The following FRMD8 variants were observed in gnomAD, a reference collection of about 807,000 sequenced individuals.
The protein encoded by FRMD8 is FERM domain-containing protein 8.
A neutral mutation model predicts 54.2 loss-of-function variants in FRMD8; 37 were observed. That is an observed-to-expected ratio of 0.68 (90% CI 0.53 to 0.90). The LOEUF (loss-of-function observed/expected upper bound fraction) is 0.90, where lower values mean the gene tolerates loss of function less well. FRMD8 is among the 40% of genes least tolerant of loss of function. The probability of loss-of-function intolerance (pLI) is 0.00; values close to 1 mark genes in which losing one functional copy is unlikely to be tolerated. For synonymous variants in FRMD8, 246 were observed against 286.9 expected (o/e 0.86, Z 1.44); for missense variants, 585 against 653.7 (o/e 0.89, Z 1.15).
At chr11:65,380,492 C>T in the FRMD8 span, 11 of 1,361,280 alleles carry the variant, frequency 8.1e-6, no homozygotes, top group Non-Finnish European at 1.1e-5. Flanking sequence ...ATCCCACCGC[C>T]TATGAGCCGC....
intron 3 of FRMD8, among the ~76,000 whole-genome samples, chr11:65,389,854 C>T (rs1413043128): frequency 3.3e-5 from 5 of 152,168 alleles, no homozygotes; most frequent in Non-Finnish European, 7.4e-5. Context: ...CGAGCATAAC[C>T]TTTGCCACAA....
rs765578433 is a variant in FRMD8, at chr11:65,389,344, C to G, written c.86-17C>G. The stretch of plus-strand genomic sequence containing the variant: ...CAGGCAGAGGCCTCAGCTGAGCCTG[C>G]CTGGTCTCCATCACAGCGGCTGACG... On this transcript the variant is annotated splice_polypyrimidine_tract_variant and intron_variant, in intron 2 of 10. Coordinates refer to ENST00000317568, the MANE Select transcript of FRMD8 (RefSeq NM_031904.5). 5 of 1,607,958 alleles carry G rather than the reference C, an allele frequency of 3.1e-6. No homozygotes were observed. The South Asian group carries it at 5.5e-5, about 18-fold the overall frequency.
the FRMD8 span, among the ~76,000 whole-genome samples, chr11:65,371,094 G>A: frequency 1.4e-4 from 22 of 152,272 alleles, no homozygotes; most frequent in East Asian, 4.2e-3. Context: ...ACAGCAGTGT[G>A]GGCCTGGCAC....
chr11:65,376,131 C>A, the FRMD8 span: 1 of 537,078 alleles, frequency 1.9e-6, no homozygotes. Flanking sequence ...ATGTCACCAG[C>A]ACCACTTGCC....
At chr11:65,384,001 T>C (rs746879276), upstream of FRMD8, among the ~76,000 whole-genome samples, 3 of 152,120 alleles carry the variant, frequency 2.0e-5, no homozygotes, top group Non-Finnish European at 2.9e-5. Flanking sequence ...GTCGGGCTAA[T>C]TGATGTCTAA....
At chr11:65,402,738 G>T (rs570623857) in intron 9 of FRMD8, among the ~76,000 whole-genome samples, 1 of 151,654 alleles carries the variant, frequency 6.6e-6, no homozygotes, top group South Asian at 2.1e-4. Context: ...CCATTTATTT[G>T]TCTCTGATTT....
At chr11:65,384,379 C>T (rs555211761), upstream of FRMD8, among the ~76,000 whole-genome samples, 2 of 152,160 alleles carry the variant, frequency 1.3e-5, no homozygotes, top group South Asian at 2.1e-4. Flanking sequence ...ATCAGCCTCC[C>T]GGACTCTCTC....
chr11:65,381,842 C>G (rs1160847126), upstream of FRMD8: 3 of 1,591,540 alleles, frequency 1.9e-6, no homozygotes, highest in Non-Finnish European at 2.6e-6. Context: ...CTGCTCCTCC[C>G]ATGTCACCCA....
the FRMD8 span, chr11:65,378,325 A>C: frequency 2.0e-5 from 3 of 152,190 alleles, no homozygotes; most frequent in Admixed American, 6.5e-5. Context: ...ACTCCACACT[A>C]AAACACATTT....
chr11:65,396,954 G>T lies in FRMD8; in HGVS notation c.737G>T (p.Cys246Phe). 2 of 1,519,116 alleles carry T rather than the reference G, an allele frequency of 1.3e-6. No individual in the cohort carries two copies. The highest frequency in any genetic ancestry group is 2.1e-5 in the Admixed American group (1 of 47,160). The allele number at this position is 1,519,116 out of a possible 1,614,324, so 94.1% of individuals were successfully genotyped here. ...CAGGAGGTCAGCAGCGACGGCGGGTGCGAGGCCGCCCTGGGCACCCACTAC... is the reference window on the plus strand; with the variant it reads ...CAGGAGGTCAGCAGCGACGGCGGGTTCGAGGCCGCCCTGGGCACCCACTAC... ...QVQEVSSDGG[C>F]EAALGTHYRA... The change falls in exon 7 of 11, where the codon TGC (cysteine) becomes TTC (phenylalanine). Residue 246 changes from cysteine (C) to phenylalanine (F), a missense_variant. By Grantham distance (205) the Cys-to-Phe change is radical (BLOSUM62 -2). Coordinates refer to ENST00000317568, the MANE Select transcript of FRMD8 (RefSeq NM_031904.5).
chr11:65,386,922 C>T, intron 1 of FRMD8, 115 bp from the exon 2 acceptor site: 1 of 913,580 alleles, frequency 1.1e-6, no homozygotes, highest in Non-Finnish European at 1.7e-6. Flanking sequence ...GGCAGCGCCG[C>T]TCAACCTTGC....
chr11:65,385,253 G>A (rs767601403), upstream of FRMD8, among the ~76,000 whole-genome samples: 15 of 152,156 alleles, frequency 9.9e-5, no homozygotes, highest in Non-Finnish European at 1.5e-4. Flanking sequence ...GGAGATGCCT[G>A]CCCCCACTGG....
In FRMD8 at chr11:65,412,453, T is replaced by C. The variant is rs1286234792; in HGVS notation, c.*1093T>C. 1 of 152,292 alleles carries C rather than the reference T, an allele frequency of 6.6e-6. No individual in the cohort carries two copies. The highest frequency in any genetic ancestry group is 1.5e-5 in the Non-Finnish European group (1 of 68,080). 9.4% of individuals were successfully genotyped at this position (152,292 alleles called of 1,614,324 possible). A position where few individuals can be genotyped will look rare whatever the true frequency, so the allele number is the denominator to read the frequency against. On this transcript the variant is annotated 3_prime_UTR_variant, in exon 11 of 11. Transcript: ENST00000317568. ...ACACTCTCTTCTTTATCGAGGACAC[T>C]TGGAAAGGTGACTGATATGGGTGCT...
the FRMD8 span, chr11:65,368,146 ACT>A: frequency 7.6e-6 from 1 of 132,360 alleles, no homozygotes; most frequent in African/African-American, 2.9e-5. Flanking sequence ...CATTATCCTG[ACT>A]CACTGCAACC....
chr11:65,398,666 C>T (rs1041526506), intron 7 of FRMD8, among the ~76,000 whole-genome samples: 1 of 152,202 alleles, frequency 6.6e-6, no homozygotes, highest in Non-Finnish European at 1.5e-5. Context: ...GGTCAAGCAA[C>T]GGGTCTTGTA....
In FRMD8 at chr11:65,399,772, C is replaced by G; in HGVS notation, c.840C>G (p.Ala280=). ...AFFHGEVDKP[A]QGFLHRGGRK... is the part of the protein sequence containing the mutation. Reference sequence around the variant, plus strand: ...TCCACGGTGAGGTTGACAAGCCGGCCCAAGGCTTTTTGCACCGGGGTGGGC... The same window carrying G: ...TCCACGGTGAGGTTGACAAGCCGGCGCAAGGCTTTTTGCACCGGGGTGGGC... Residue 280 remains alanine, a synonymous_variant, in exon 8 of 11, where the codon GCC becomes GCG. Transcript: ENST00000317568. 3.1e-6 allele frequency: 5 copies of G among 1,614,124 alleles called. No homozygotes were observed. Among genetic ancestry groups the G allele is most frequent in the Non-Finnish European group, 4.2e-6 (5 of 1,179,994 alleles).
At chr11:65,376,507 C>A in the FRMD8 span, 1 of 1,614,190 alleles carries the variant, frequency 6.2e-7, no homozygotes. Context: ...GAAGAAGACT[C>A]CCAGTCCTTC....
rs750798223 is a variant in FRMD8 at position 65,394,375 on chromosome 11, C to T, written c.531C>T (p.Arg177=). ...AGGCTCTGGGCGCCCTGGTGTGCCG[C>T]GTGCAGCTTGGGCCCTACCAGCCCG... ...DCEALGALVC[R]VQLGPYQPGR... The change falls in exon 6 of 11, where the codon CGC becomes CGT. Residue 177 remains arginine (R), a synonymous_variant. Coordinates refer to ENST00000317568, the MANE Select transcript of FRMD8 (RefSeq NM_031904.5). The T allele has an allele frequency of 5.7e-6, 9 of 1,575,764 alleles. No homozygotes were observed. Among genetic ancestry groups the T allele is most frequent in the East Asian group, 4.7e-5 (2 of 42,656 alleles).
At chr11:65,394,121 C>T (rs1855896395) in intron 5 of FRMD8, 22 bp downstream of exon 5, 1 of 1,610,286 alleles carries the variant, frequency 6.2e-7, no homozygotes, top group Admixed American at 1.7e-5. Flanking sequence ...GCCCTGGTGG[C>T]CCCACCAGGC....
Sources: allele counts gnomAD v4.1 joint callset (sites outside exome capture counted in the v4.1 genomes callset), GRCh38; gene constraint gnomAD v4.1.1; transcripts MANE v1.5; gene names NCBI Gene and HGNC (gene_info 2026-07-23, HGNC 2026-07-21).